FMN2: variants seen among roughly 807,000 people sequenced by gnomAD.
The protein encoded by FMN2 is formin 2.
FMN2 carries 51 observed loss-of-function variants against 142.3 expected under a neutral mutation model. That is an observed-to-expected ratio of 0.36 (90% CI 0.29 to 0.45). The LOEUF (loss-of-function observed/expected upper bound fraction) is 0.45, where lower values mean the gene tolerates loss of function less well. Ranked by LOEUF, FMN2 falls within the 20% of genes least tolerant of loss-of-function variation. The pLI, the probability that FMN2 is intolerant of heterozygous loss-of-function variation, is 1.00. For missense variants in FMN2, 1,936 were observed against 2,122.8 expected (o/e 0.91, Z 1.73); for synonymous variants, 882 against 869.8 (o/e 1.01, Z -0.25).
chr1:240,156,256 C>T (rs1446060774), intron 2 of FMN2, among the ~76,000 whole-genome samples: 1 of 152,092 alleles, frequency 6.6e-6, no homozygotes, highest in African/African-American at 2.4e-5. Context: ...TCAACAACAA[C>T]AACAGCAAGA....
rs1431305333 is a variant in FMN2 at position 240,163,296 on chromosome 1, A to G, written c.1783-14625A>G. Among the ~76,000 whole-genome samples, 4 of 152,180 alleles carry G rather than the reference A, an allele frequency of 2.6e-5. No individual in the cohort carries two copies. The South Asian group carries it at 8.3e-4, about 32-fold the overall frequency. On this transcript the variant is annotated intron_variant, in intron 2 of 17. Coordinates refer to ENST00000319653, the MANE Select transcript of FMN2 (RefSeq NM_020066.5). ...ACTTTTTCTTTTCATTGTAGCAGCT[A>G]TTGAGAAAGTTATTGCTACTATGTT...
In FMN2 at chr1:240,330,547, C is replaced by A; in HGVS notation, c.4438-56C>A. On this transcript the variant is annotated intron_variant, in intron 10 of 17. Transcript: ENST00000319653. ...AATAGCTGGCATCAACTCGATGATT[C>A]AAACAAAACCTGGTATAAGATAAAA... 4 of 1,573,902 alleles carry A rather than the reference C, an allele frequency of 2.5e-6. No individual in the cohort carries two copies. In the South Asian group the frequency reaches 4.8e-5, roughly 19 times the overall value.
At chr1:240,328,168 A>AAAAAAAAAAAAAAAAAGAAAAAG in intron 8 of FMN2, among the ~76,000 whole-genome samples, 1 of 135,806 alleles carries the variant, frequency 7.4e-6, no homozygotes, top group Non-Finnish European at 1.6e-5. Flanking sequence ...AAAAAAAAAA[A>AAAAAAAAAAAAAAAAAGAAAAAG]AAAAGAAAAA....
At chr1:240,467,392 C>T (rs1322806511) in intron 16 of FMN2, among the ~76,000 whole-genome samples, 1 of 151,810 alleles carries the variant, frequency 6.6e-6, no homozygotes, top group African/African-American at 2.4e-5. Context: ...CTCCAGCCTC[C>T]GGGTAGCTGG....
intron 2 of FMN2, chr1:240,145,530 ATTTTTTTTTTTTTT>A (rs71168902): frequency 0.015 from 1,255 of 84,560 alleles, 23 homozygotes; most frequent in African/African-American, 0.05. Context: ...TTCTTTTTCT[ATTTTTTTTTTTTTT>A]TTTTTTTTTT....
At chr1:240,357,859 G>A (rs546327101) in intron 14 of FMN2, among the ~76,000 whole-genome samples, 34 of 152,050 alleles carry the variant, frequency 2.2e-4, no homozygotes, top group African/African-American at 7.7e-4. Flanking sequence ...CAGCCTCTTC[G>A]GCCTCCCAAA....
chr1:240,468,206 A>ATATGTGTGTTTG (rs374934885), intron 16 of FMN2, among the ~76,000 whole-genome samples: 1 of 147,876 alleles, frequency 6.8e-6, no homozygotes. Context: ...ATATATATAT[A>ATATGTGTGTTTG]TGTGTGTGTG....
intron 7 of FMN2, among the ~76,000 whole-genome samples, chr1:240,258,942 G>A (rs1335307338): frequency 6.6e-6 from 1 of 152,192 alleles, no homozygotes; most frequent in Admixed American, 6.5e-5. Context: ...TGGCTTTCTA[G>A]CTTACCCCTT....
At chr1:240,451,358 C>CA (rs34283125) in intron 16 of FMN2, among the ~76,000 whole-genome samples, 2,453 of 137,116 alleles carry the variant, frequency 0.018, 69 homozygotes, top group South Asian at 0.098. Flanking sequence ...GACTCCATCT[C>CA]AAAAAAAAAA....
intron 16 of FMN2, among the ~76,000 whole-genome samples, chr1:240,460,089 G>A (rs917142992): frequency 2.6e-5 from 4 of 152,094 alleles, no homozygotes; most frequent in Non-Finnish European, 2.9e-5. Context: ...TTTCTTCTCC[G>A]GATGAATCTT....
chr1:240,189,229 C>G (rs181565979), intron 4 of FMN2, among the ~76,000 whole-genome samples: 1 of 150,748 alleles, frequency 6.6e-6, no homozygotes, highest in East Asian at 1.9e-4. Flanking sequence ...TTGTGGATAG[C>G]AATTGCTCTT....
Position 240,092,577 on chromosome 1 carries a change from C to T in FMN2, c.468C>T (p.Gly156=), listed in dbSNP as rs370945971. 47 of 1,613,466 alleles carry T rather than the reference C, an allele frequency of 2.9e-5. No homozygotes were observed. The highest frequency in any genetic ancestry group is 3.9e-5 in the Non-Finnish European group (46 of 1,179,888). ...GPGPAEARVG[G]RPIAEDVETA... ...GGCCTGCCGAGGCTAGGGTCGGGGG[C>T]CGGCCGATCGCCGAGGATGTGGAAA... is the stretch of plus-strand genomic sequence containing the variant. The change falls in exon 1 of 18, where the codon GGC becomes GGT. Residue 156 remains glycine, a synonymous_variant. Coordinates refer to ENST00000319653, the MANE Select transcript of FMN2 (RefSeq NM_020066.5).
chr1:240,472,265 G>T, intron 16 of FMN2, 107 bp from the exon 17 acceptor site: 2 of 761,122 alleles, frequency 2.6e-6, no homozygotes, highest in East Asian at 2.6e-5. Context: ...ATTATTTTCT[G>T]CAGTAATTCA....
At position 240,390,419 on chromosome 1, in the gene FMN2, G is replaced by A. The variant is rs144450221; in HGVS notation, c.4859-2092G>A. Among the ~76,000 whole-genome samples the A allele has an allele frequency of 4.3e-3, 649 of 152,240 alleles. 5 individuals carry two copies. Among genetic ancestry groups the A allele is most frequent in the African/African-American group, 0.015 (621 of 41,540 alleles). On this transcript the variant is annotated intron_variant, in intron 14 of 17. Transcript: ENST00000319653. ...TTTTGTTTCGGCCAAACTTGCTCAC[G>A]CAACTAAGCAACAGCTGTTTCGGTG...
chr1:240,292,463 T>C (rs1195921535), intron 7 of FMN2, among the ~76,000 whole-genome samples: 1 of 152,178 alleles, frequency 6.6e-6, no homozygotes, highest in Non-Finnish European at 1.5e-5. Flanking sequence ...CCCAAATAGC[T>C]CCAACTTCAA....
At chr1:240,095,091 AAAAC>A (rs893995092) in intron 1 of FMN2, among the ~76,000 whole-genome samples, 4 of 152,218 alleles carry the variant, frequency 2.6e-5, no homozygotes, top group African/African-American at 9.6e-5. Context: ...TAAAAAAACA[AAAAC>A]AAAATGCAAA....
intron 16 of FMN2, among the ~76,000 whole-genome samples, chr1:240,454,555 A>C (rs1572333003): frequency 6.6e-6 from 1 of 152,292 alleles, no homozygotes; most frequent in Non-Finnish European, 1.5e-5. Context: ...AGAAAAGAAT[A>C]AATATATATG....
At chr1:240,394,250 T>C (rs536471408) in intron 15 of FMN2, among the ~76,000 whole-genome samples, 1 of 152,306 alleles carries the variant, frequency 6.6e-6, no homozygotes, top group Admixed American at 6.5e-5. Context: ...CAAATGTAAC[T>C]TTCTCAAGTT....
chr1:240,214,282 TG>T (rs1213415404), intron 6 of FMN2, among the ~76,000 whole-genome samples: 2 of 152,150 alleles, frequency 1.3e-5, no homozygotes, highest in African/African-American at 2.4e-5. Flanking sequence ...CCGGGTGTGG[TG>T]GCTCACGCCT....
Sources: allele counts gnomAD v4.1 joint callset (sites outside exome capture counted in the v4.1 genomes callset), GRCh38; gene constraint gnomAD v4.1.1; transcripts MANE v1.5; gene names NCBI Gene and HGNC (gene_info 2026-07-23, HGNC 2026-07-21).